THOC5: variants seen among roughly 807,000 people sequenced by gnomAD.
THOC5 encodes the protein THO complex subunit 5, also known as Fms-interacting protein.
THOC5 carries 43 observed loss-of-function variants against 92.9 expected under a neutral mutation model. The observed-to-expected ratio is 0.46, with a 90% CI of 0.36 to 0.60. THOC5 has a LOEUF of 0.60. THOC5 is among the 20% of genes least tolerant of loss of function. The pLI is 0.00. For synonymous variants in THOC5, 296 were observed against 320.1 expected, an observed-to-expected ratio of 0.92 and a Z score of 0.80; for missense variants, 659 against 849.4, an observed-to-expected ratio of 0.78 and a Z score of 2.79.
chr22:29,550,014 C>G (rs1327023881), intron 1 of THOC5, among the ~76,000 whole-genome samples: 1 of 152,092 alleles, frequency 6.6e-6, no homozygotes, highest in Non-Finnish European at 1.5e-5. Flanking sequence ...ATTGTGAGCT[C>G]TACCCTCTTC....
At chr22:29,527,990 G>T in intron 11 of THOC5, 88 bp downstream of exon 11, 7 of 1,203,160 alleles carry the variant, frequency 5.8e-6, no homozygotes, top group Admixed American at 2.0e-5. Context: ...TGGGCAAATG[G>T]GTGTTTGGCT....
intron 12 of THOC5, 132 bp from the exon 13 acceptor site, chr22:29,521,231 G>A: frequency 1.5e-6 from 1 of 677,924 alleles, no homozygotes. Context: ...GGCTTTCTGT[G>A]GGCCAGACCG....
At position 29,517,031 on chromosome 22, in the gene THOC5, G is replaced by A. The variant is rs2063346121; in HGVS notation, c.1679C>T (p.Thr560Ile). The change falls in exon 17 of 20, where the codon ACA becomes ATA. Residue 560 changes from threonine to isoleucine, a missense_variant and splice_region_variant. Physicochemically the swap from Thr to Ile is moderately conservative, Grantham distance 89. Transcript: ENST00000490103. ...CCTGTAATCAGCAGAGCAATTACCT[G>A]TGCCCCTTTCGATGAGCGCCATGTA... ...LYYMALIERG[T>I]AKLQAAVVLN... The A allele has an allele frequency of 6.2e-7, 1 of 1,614,090 alleles. No homozygotes were observed. The highest frequency in any genetic ancestry group is 8.5e-7 in the Non-Finnish European group (1 of 1,179,950).
intron 19 of THOC5, among the ~76,000 whole-genome samples, chr22:29,508,965 G>A (rs1359932674): frequency 2.6e-5 from 4 of 151,966 alleles, no homozygotes; most frequent in Non-Finnish European, 4.4e-5. Flanking sequence ...CCGGGTTTAG[G>A]TTGAGGTTTA....
chr22:29,542,255 T>C (rs1244725535), intron 5 of THOC5, among the ~76,000 whole-genome samples: 1 of 152,148 alleles, frequency 6.6e-6, no homozygotes, highest in Non-Finnish European at 1.5e-5. Context: ...CCATACAACA[T>C]GCCCAGAAAT....
chr22:29,516,847 A>C (rs1419720546), intron 17 of THOC5, among the ~76,000 whole-genome samples, 182 bp downstream of exon 17: 1 of 152,218 alleles, frequency 6.6e-6, no homozygotes, highest in Non-Finnish European at 1.5e-5. Context: ...GGGTTCAGTG[A>C]TACACAGCGT....
At chr22:29,513,663 T>A (rs2063272604) in intron 17 of THOC5, among the ~76,000 whole-genome samples, 1 of 151,894 alleles carries the variant, frequency 6.6e-6, no homozygotes, top group Admixed American at 6.6e-5. Context: ...TACTCCAGCC[T>A]ACGCAACAAA....
chr22:29,526,545 AT>A (rs1296056930), intron 11 of THOC5, among the ~76,000 whole-genome samples: 6 of 152,078 alleles, frequency 3.9e-5, no homozygotes, highest in African/African-American at 1.4e-4. Context: ...AAAAAAAAAA[AT>A]CACAACAGTA....
chr22:29,533,667 C>T (rs2063698895), intron 7 of THOC5, among the ~76,000 whole-genome samples: 1 of 152,138 alleles, frequency 6.6e-6, no homozygotes, highest in Non-Finnish European at 1.5e-5. Flanking sequence ...CATCTCCAGG[C>T]AACCCAACAG....
intron 8 of THOC5, among the ~76,000 whole-genome samples, chr22:29,529,762 C>T (rs1369729307): frequency 6.6e-6 from 1 of 152,248 alleles, no homozygotes; most frequent in Admixed American, 6.5e-5. Flanking sequence ...ACCTGAGTCC[C>T]TGCCTAACCA....
intron 15 of THOC5, 142 bp downstream of exon 15, chr22:29,518,864 T>C: frequency 4.4e-6 from 3 of 678,696 alleles, no homozygotes; most frequent in South Asian, 1.9e-5. Context: ...CCAGTGGCTC[T>C]GCCAAGATGC....
At chr22:29,520,210 G>T (rs1036993883) in intron 13 of THOC5, 106 bp from the exon 14 acceptor site, 2 of 952,316 alleles carry the variant, frequency 2.1e-6, no homozygotes, top group East Asian at 5.4e-5. Flanking sequence ...ATCCAGTCCT[G>T]CAGGTTTGGC....
chr22:29,511,000 G>C lies in THOC5; in HGVS notation c.1988+106C>G, dbSNP rs573030994. ...ACCAGAGTGATAGGCATCGGCTGCAGGGGAAGTTTCAGGAAGGAAGAAGCA... is the reference window on the plus strand; with the variant it reads ...ACCAGAGTGATAGGCATCGGCTGCACGGGAAGTTTCAGGAAGGAAGAAGCA... On this transcript the variant is annotated intron_variant, in intron 19 of 19. Coordinates refer to ENST00000490103, the MANE Select transcript of THOC5 (RefSeq NM_003678.5). The C allele has an allele frequency of 6.5e-6, 8 of 1,237,460 alleles. No individual in the cohort carries two copies. In the East Asian group the frequency reaches 1.9e-4, roughly 29 times the overall value. The allele number at this position is 1,237,460 out of a possible 1,614,324, so 76.7% of individuals were successfully genotyped here.
At chr22:29,543,254 A>G (rs572720005) in intron 4 of THOC5, among the ~76,000 whole-genome samples, 175 bp downstream of exon 4, 6 of 147,638 alleles carry the variant, frequency 4.1e-5, no homozygotes, top group Admixed American at 3.4e-4. Context: ...AGGCTGAGGC[A>G]GGAGAATCGC....
At chr22:29,523,774 T>C (rs999153490) in intron 12 of THOC5, among the ~76,000 whole-genome samples, 6 of 152,118 alleles carry the variant, frequency 3.9e-5, no homozygotes, top group Non-Finnish European at 7.3e-5. Flanking sequence ...TAAAAAAAAT[T>C]GTTTGTCTGA....
Position 29,517,312 on chromosome 22 carries a change from ACCTTG to A in THOC5, c.1539_1543del (p.Lys514CysfsTer13). On this transcript the variant is annotated frameshift_variant, in exon 16 of 20. Coordinates refer to ENST00000490103, the MANE Select transcript of THOC5 (RefSeq NM_003678.5). LOFTEE classifies it high-confidence loss of function. ...CACCCATTTCACCAGGCGAGAGACA[ACCTTG>A]GCAGGGAAGAGGTACTGGCAATCAC... The A allele has an allele frequency of 6.2e-7, 1 of 1,614,212 alleles. No homozygotes were observed. Among genetic ancestry groups the A allele is most frequent in the Non-Finnish European group, 8.5e-7 (1 of 1,180,036 alleles).
chr22:29,543,347 C>CAAAAA lies in THOC5; in HGVS notation c.354+77_354+81dup, dbSNP rs59948387. 9.8e-4 allele frequency: 456 copies of CAAAAA among 465,646 alleles called. 5 individuals carry two copies. The highest frequency in any genetic ancestry group is 3.3e-3 in the African/African-American group (68 of 20,738). 28.8% of individuals were successfully genotyped at this position (465,646 alleles called of 1,614,324 possible). A position where few individuals can be genotyped will look rare whatever the true frequency, so the allele number is the denominator to read the frequency against. On this transcript the variant is annotated intron_variant, in intron 4 of 19. Coordinates refer to ENST00000490103, the MANE Select transcript of THOC5 (RefSeq NM_003678.5). ...TGGGGGACAGAACGAGACTCTGTCTCAAAAAAAAAAAAAAAAAAAAAAAAA... is the reference window on the plus strand; with the variant it reads ...TGGGGGACAGAACGAGACTCTGTCTCAAAAAAAAAAAAAAAAAAAAAAAAAAAAAA...
intron 8 of THOC5, 198 bp downstream of exon 8, chr22:29,531,633 C>T (rs2146508086): frequency 7.5e-7 from 1 of 1,331,838 alleles, no homozygotes; most frequent in East Asian, 2.8e-5. Context: ...TTGTGAAATA[C>T]CCATCAGGTT....
chr22:29,536,623 C>G lies in THOC5; in HGVS notation c.714+1G>C. ...CAAAGCAAAAGGCCAGAGGGCCCCACCTGCATGATGCTGTTGAGGCGGGGC... is the reference window on the plus strand; with the variant it reads ...CAAAGCAAAAGGCCAGAGGGCCCCAGCTGCATGATGCTGTTGAGGCGGGGC... On this transcript the variant is annotated splice_donor_variant, in intron 7 of 19. Coordinates refer to ENST00000490103, the MANE Select transcript of THOC5 (RefSeq NM_003678.5). LOFTEE classifies it high-confidence loss of function. The G allele has an allele frequency of 6.3e-7, 1 of 1,594,510 alleles. No individual in the cohort carries two copies. The highest frequency in any genetic ancestry group is 8.6e-7 in the Non-Finnish European group (1 of 1,162,014).
Sources: allele counts gnomAD v4.1 joint callset (sites outside exome capture counted in the v4.1 genomes callset), GRCh38; gene constraint gnomAD v4.1.1; transcripts MANE v1.5; gene names NCBI Gene and HGNC (gene_info 2026-07-23, HGNC 2026-07-21).